Variants in PHF20 observed in about 807,000 individuals in gnomAD.
PHF20 encodes the protein PHD finger protein 20, also known as glioma-expressed antigen 2.
A neutral mutation model predicts 113.5 loss-of-function variants in PHF20; 23 were observed. That is an observed-to-expected ratio of 0.20 (90% CI 0.15 to 0.29). PHF20 has a LOEUF of 0.29. Among genes scored for constraint, PHF20 ranks in the 10% least tolerant of loss-of-function variants. The pLI is 1.00. For missense variants in PHF20, 943 were observed against 1,219.6 expected (o/e 0.77, Z 3.38); for synonymous variants, 434 against 457.3 (o/e 0.95, Z 0.65).
intron 12 of PHF20, among the ~76,000 whole-genome samples, chr20:35,915,510 C>G (rs561407741): frequency 1.3e-5 from 2 of 152,064 alleles, no homozygotes; most frequent in African/African-American, 4.8e-5. Flanking sequence ...TCTCAACCTC[C>G]CAAGTTGCTG....
chr20:35,941,339 T>C (rs2055976414), intron 17 of PHF20, among the ~76,000 whole-genome samples: 1 of 152,244 alleles, frequency 6.6e-6, no homozygotes, highest in Non-Finnish European at 1.5e-5. Context: ...GCAGGAAATA[T>C]GTGATCTAAG....
chr20:35,776,577 G>T (rs1373761504), intron 1 of PHF20, among the ~76,000 whole-genome samples: 2 of 152,130 alleles, frequency 1.3e-5, no homozygotes, highest in Non-Finnish European at 2.9e-5. Context: ...TTCTAAGTGT[G>T]TTGGATCATC....
At chr20:35,808,758 G>A (rs1457841802) in intron 2 of PHF20, among the ~76,000 whole-genome samples, 1 of 151,314 alleles carries the variant, frequency 6.6e-6, no homozygotes, top group Non-Finnish European at 1.5e-5. Flanking sequence ...ATTTTTAGTA[G>A]AGACGGGGCT....
chr20:35,802,887 C>T lies in PHF20; in HGVS notation c.83+1282C>T, dbSNP rs377687755. The stretch of plus-strand genomic sequence containing the variant: ...CCGGGAGGTGGAGGTTGCAGTGAGC[C>T]GAGATTGCACCACTGCACTCCAGCC... On this transcript the variant is annotated intron_variant, in intron 2 of 17. Transcript: ENST00000374012. Among the ~76,000 whole-genome samples the T allele has an allele frequency of 3.5e-5, 5 of 143,246 alleles. No individual in the cohort carries two copies. In the South Asian group the frequency reaches 6.6e-4, roughly 19 times the overall value. The allele number at this position is 143,246 out of a possible 152,430, so 94.0% of individuals were successfully genotyped here.
chr20:35,947,751 G>C lies in PHF20; in HGVS notation c.*124G>C. The C allele has an allele frequency of 1.9e-6, 2 of 1,036,144 alleles. No individual in the cohort carries two copies. Among genetic ancestry groups the C allele is most frequent in the East Asian group, 5.2e-5 (2 of 38,540 alleles). 64.2% of individuals were successfully genotyped at this position (1,036,144 alleles called of 1,614,324 possible). ...GACACCGACTGACTTCAGGGATCTG[G>C]GCCAGGAGTGTGGTGGACATTGGAC... On this transcript the variant is annotated 3_prime_UTR_variant, in exon 18 of 18. Transcript: ENST00000374012.
At chr20:35,914,311 T>C in intron 12 of PHF20, 114 bp downstream of exon 12, 1 of 995,832 alleles carries the variant, frequency 1.0e-6, no homozygotes, top group Non-Finnish European at 1.5e-6. Flanking sequence ...CAAATAAAGC[T>C]AGTCAGACAT....
chr20:35,785,006 A>G lies in PHF20; in HGVS notation c.-33+12927A>G, dbSNP rs80009992. On this transcript the variant is annotated intron_variant, in intron 1 of 17. Transcript: ENST00000374012. ...GCAAAGGTTGCAGTGAGCCAGGATC[A>G]TGCCGCTTCACTCCAACCTGGGCCA... 9.6e-3 allele frequency among the ~76,000 whole-genome samples: 1,460 copies of G among 151,904 alleles called. 16 individuals are homozygous for G. The highest frequency in any genetic ancestry group is 0.04 in the East Asian group (204 of 5,124).
At chr20:35,842,015 A>G (rs1185058294) in intron 2 of PHF20, among the ~76,000 whole-genome samples, 2 of 152,092 alleles carry the variant, frequency 1.3e-5, no homozygotes, top group Non-Finnish European at 2.9e-5. Context: ...CTTCCACTTT[A>G]CATGAGGGAA....
intron 15 of PHF20, among the ~76,000 whole-genome samples, chr20:35,932,565 G>A (rs981844407): frequency 6.6e-6 from 1 of 150,924 alleles, no homozygotes. Context: ...TGAGTAGCTG[G>A]GAATACAGGC....
chr20:35,794,338 G>A (rs1349462316), intron 1 of PHF20, among the ~76,000 whole-genome samples: 1 of 151,332 alleles, frequency 6.6e-6, no homozygotes, highest in Non-Finnish European at 1.5e-5. Context: ...TGACCCTTAT[G>A]TATGTGCTTA....
chr20:35,827,478 G>A (rs1406953593), intron 2 of PHF20, among the ~76,000 whole-genome samples: 1 of 152,184 alleles, frequency 6.6e-6, no homozygotes, highest in East Asian at 1.9e-4. Flanking sequence ...TACATGTGGA[G>A]TCCAGTTAAG....
chr20:35,886,195 CT>C (rs2054728364), intron 9 of PHF20, among the ~76,000 whole-genome samples: 1 of 148,444 alleles, frequency 6.7e-6, no homozygotes, highest in Non-Finnish European at 1.5e-5. Context: ...CTGGAGTGCA[CT>C]GATGAGATCT....
intron 1 of PHF20, among the ~76,000 whole-genome samples, chr20:35,776,987 CT>C (rs2041188572): frequency 1.3e-5 from 2 of 152,210 alleles, no homozygotes; most frequent in African/African-American, 4.8e-5. Flanking sequence ...CAGTTATTCC[CT>C]TGTCCAAGTC....
chr20:35,929,066 C>G (rs533647371), intron 14 of PHF20, among the ~76,000 whole-genome samples: 9 of 152,336 alleles, frequency 5.9e-5, no homozygotes, highest in South Asian at 2.1e-4. Flanking sequence ...TCCCCTGATT[C>G]CTTTAGAGCT....
At chr20:35,787,734 G>A (rs1308294409) in intron 1 of PHF20, among the ~76,000 whole-genome samples, 2 of 148,884 alleles carry the variant, frequency 1.3e-5, no homozygotes, top group Non-Finnish European at 3.0e-5. Flanking sequence ...GCCTCTCAAA[G>A]TGCTGGGATT....
chr20:35,855,545 A>G (rs2042811854), intron 4 of PHF20: 1 of 153,438 alleles, frequency 6.5e-6, no homozygotes, highest in African/African-American at 2.4e-5. Flanking sequence ...GTATGTATTT[A>G]TGAGTTACAT....
intron 2 of PHF20, among the ~76,000 whole-genome samples, chr20:35,829,489 G>A (rs2042320688): frequency 6.6e-6 from 1 of 151,948 alleles, no homozygotes; most frequent in Non-Finnish European, 1.5e-5. Flanking sequence ...GGGATTATAG[G>A]CTTGTGCCAC....
intron 1 of PHF20, among the ~76,000 whole-genome samples, chr20:35,783,537 C>G (rs1237006553): frequency 1.3e-5 from 2 of 151,810 alleles, no homozygotes; most frequent in African/African-American, 2.4e-5. Flanking sequence ...CTGCCTCATC[C>G]TCGTGAGTAG....
chr20:35,882,905 G>A (rs1033033819), intron 9 of PHF20, among the ~76,000 whole-genome samples: 6 of 151,934 alleles, frequency 3.9e-5, no homozygotes, highest in African/African-American at 1.5e-4. Context: ...GTGTGTGCCT[G>A]TAGTCCCAGC....
Sources: gnomAD v4.1 joint callset for allele counts (sites outside exome capture counted in the v4.1 genomes callset) on GRCh38, gnomAD v4.1.1 for gene constraint, MANE v1.5 for transcripts, NCBI Gene and HGNC (gene_info 2026-07-23, HGNC 2026-07-21) for gene names.